The following ABCC4 variants were observed in gnomAD, a reference collection of about 807,000 sequenced individuals.
ABCC4 encodes the protein ATP-binding cassette sub-family C member 4.
ABCC4 carries 102 observed loss-of-function variants against 168.5 expected under a neutral mutation model. The observed-to-expected ratio is 0.61, with a 90% CI of 0.52 to 0.71. The LOEUF (loss-of-function observed/expected upper bound fraction) is 0.71, where lower values mean the gene tolerates loss of function less well. Ranked by LOEUF, ABCC4 falls within the 30% of genes least tolerant of loss-of-function variation. The pLI, the probability that ABCC4 is intolerant of heterozygous loss-of-function variation, is 0.00. For synonymous variants in ABCC4, 617 were observed against 590.7 expected (o/e 1.04, Z -0.65); for missense variants, 1,402 against 1,605.8 (o/e 0.87, Z 2.17).
At chr13:95,201,810 T>C (rs1304154548) in intron 8 of ABCC4, among the ~76,000 whole-genome samples, 1 of 151,962 alleles carries the variant, frequency 6.6e-6, no homozygotes, top group African/African-American at 2.4e-5. Flanking sequence ...TTGCCTCTAC[T>C]AAAAATACAA....
In ABCC4 at chr13:95,210,910, C is replaced by A. The variant is rs572868754; in HGVS notation, c.532-129G>T. On this transcript the variant is annotated intron_variant, in intron 4 of 30. Coordinates refer to ENST00000645237, the MANE Select transcript of ABCC4 (RefSeq NM_005845.5). ...ATCTAAGCACAAGCATCCCCACCCC[C>A]CCACTGCCCCCTCTCTCTGCCCCAC... 11 of 601,886 alleles carry A rather than the reference C, an allele frequency of 1.8e-5. No individual in the cohort carries two copies. In the South Asian group the frequency reaches 2.2e-4, roughly 12 times the overall value. 37.3% of individuals were successfully genotyped at this position (601,886 alleles called of 1,614,324 possible).
chr13:95,236,485 C>A (rs908671509), intron 3 of ABCC4, among the ~76,000 whole-genome samples: 1 of 152,180 alleles, frequency 6.6e-6, no homozygotes, highest in African/African-American at 2.4e-5. Flanking sequence ...CACACACTTT[C>A]ATCCCAAACA....
intron 1 of ABCC4, among the ~76,000 whole-genome samples, chr13:95,275,470 G>C (rs1206275335): frequency 6.6e-6 from 1 of 152,194 alleles, no homozygotes; most frequent in South Asian, 2.1e-4. Context: ...CTCTGCGCCA[G>C]AATCAAAGGT....
intron 25 of ABCC4, among the ~76,000 whole-genome samples, chr13:95,066,092 TG>T (rs1415017652): frequency 6.6e-6 from 1 of 152,230 alleles, no homozygotes; most frequent in Non-Finnish European, 1.5e-5. Context: ...AGTGTGCACA[TG>T]TGTGTTATTC....
At chr13:95,178,305 T>C (rs1251170243) in intron 11 of ABCC4, among the ~76,000 whole-genome samples, 2 of 152,288 alleles carry the variant, frequency 1.3e-5, no homozygotes, top group African/African-American at 4.8e-5. Context: ...TCTATTTTAA[T>C]GCTGTAGCTT....
chr13:95,099,537 T>C (rs1381010264), intron 20 of ABCC4, among the ~76,000 whole-genome samples: 1 of 152,214 alleles, frequency 6.6e-6, no homozygotes, highest in Non-Finnish European at 1.5e-5. Context: ...TAGAATTTCA[T>C]TCCCATCCCT....
chr13:95,104,020 T>C (rs1200741139), intron 20 of ABCC4, among the ~76,000 whole-genome samples: 2 of 152,196 alleles, frequency 1.3e-5, no homozygotes, highest in Non-Finnish European at 2.9e-5. Flanking sequence ...ACAAAGCCCT[T>C]TGCTGCTGTG....
intron 4 of ABCC4, among the ~76,000 whole-genome samples, chr13:95,213,160 G>A (rs1289701542): frequency 6.7e-6 from 1 of 148,912 alleles, no homozygotes; most frequent in Non-Finnish European, 1.5e-5. Context: ...CAGCTGACAA[G>A]CAAACTACCA....
intron 3 of ABCC4, among the ~76,000 whole-genome samples, chr13:95,245,766 C>A (rs958720437): frequency 6.6e-6 from 1 of 152,134 alleles, no homozygotes; most frequent in African/African-American, 2.4e-5. Context: ...CTGACAGATT[C>A]CTCTGGTGTA....
chr13:95,024,180 C>A (rs1293871588), intron 30 of ABCC4, among the ~76,000 whole-genome samples: 1 of 139,438 alleles, frequency 7.2e-6, no homozygotes, highest in Non-Finnish European at 1.5e-5. Flanking sequence ...ACACTCCAGC[C>A]TGGGTGACAG....
intron 10 of ABCC4, 111 bp downstream of exon 10, chr13:95,188,342 G>A (rs2038135132): frequency 2.1e-6 from 2 of 952,248 alleles, no homozygotes; most frequent in South Asian, 1.3e-5. Context: ...GAAATGCCGT[G>A]CCAAGTGTAC....
At chr13:95,274,669 G>A (rs1804132251) in intron 1 of ABCC4, among the ~76,000 whole-genome samples, 1 of 152,158 alleles carries the variant, frequency 6.6e-6, no homozygotes, top group Admixed American at 6.5e-5. Context: ...ATGTGGCCCT[G>A]CAGGGCATGA....
chr13:95,285,969 C>T (rs375880052), intron 1 of ABCC4, among the ~76,000 whole-genome samples: 1 of 152,034 alleles, frequency 6.6e-6, no homozygotes, highest in African/African-American at 2.4e-5. Context: ...TTATCACTGA[C>T]CAGACTCTTC....
intron 6 of ABCC4, among the ~76,000 whole-genome samples, chr13:95,208,159 T>C (rs921546191): frequency 1.4e-4 from 21 of 151,972 alleles, no homozygotes; most frequent in Non-Finnish European, 2.4e-4. Context: ...GAGGAAGACA[T>C]GAAAATGAGT....
At chr13:95,052,969 A>G (rs1209038854) in intron 27 of ABCC4, 126 bp downstream of exon 27, 1 of 749,538 alleles carries the variant, frequency 1.3e-6, no homozygotes, top group Non-Finnish European at 2.3e-6. Context: ...ATCCTCAATG[A>G]TCTCCTGGGT....
At chr13:95,205,801 G>C (rs1210861672) in intron 8 of ABCC4, among the ~76,000 whole-genome samples, 1 of 152,232 alleles carries the variant, frequency 6.6e-6, no homozygotes, top group East Asian at 1.9e-4. Flanking sequence ...CAGAAGGCTG[G>C]AGAGAACTAA....
intron 19 of ABCC4, among the ~76,000 whole-genome samples, chr13:95,155,939 T>C (rs944786671): frequency 1.3e-5 from 2 of 152,200 alleles, no homozygotes; most frequent in African/African-American, 4.8e-5. Flanking sequence ...CTGATAAGAA[T>C]AAAATGTCTC....
At chr13:95,289,364 T>G (rs2041335826) in intron 1 of ABCC4, among the ~76,000 whole-genome samples, 1 of 152,236 alleles carries the variant, frequency 6.6e-6, no homozygotes, top group African/African-American at 2.4e-5. Flanking sequence ...ACGCAGAGGC[T>G]GCAGCTCATG....
At chr13:95,277,985 G>A (rs1295376384) in intron 1 of ABCC4, among the ~76,000 whole-genome samples, 6 of 152,154 alleles carry the variant, frequency 3.9e-5, no homozygotes, top group Admixed American at 1.3e-4. Flanking sequence ...TGGAACAACA[G>A]CCAGGACAGT....
Sources: allele counts gnomAD v4.1 joint callset (sites outside exome capture counted in the v4.1 genomes callset), GRCh38; gene constraint gnomAD v4.1.1; transcripts MANE v1.5; gene names NCBI Gene and HGNC (gene_info 2026-07-23, HGNC 2026-07-21).